Variants in PDE1A observed in about 807,000 individuals in gnomAD.
PDE1A encodes phosphodiesterase 1A.
Under a neutral mutation model 61.7 loss-of-function variants are expected in PDE1A, and 35 were observed. The ratio of observed to expected loss-of-function variants is 0.57; its 90% CI spans 0.43 to 0.75. PDE1A has a LOEUF of 0.75. PDE1A is among the 30% of genes least tolerant of loss of function. PDE1A has a pLI of 0.00. For synonymous variants in PDE1A, 232 were observed against 213.2 expected (o/e 1.09, Z -0.77); for missense variants, 597 against 630.6 (o/e 0.95, Z 0.57).
At chr2:182,220,772 T>C (rs1379863245) in intron 7 of PDE1A, among the ~76,000 whole-genome samples, 2 of 151,984 alleles carry the variant, frequency 1.3e-5, no homozygotes, top group Non-Finnish European at 2.9e-5. Flanking sequence ...AGTTTCCAGA[T>C]TGGAAAAAAC....
At chr2:182,546,450 C>A in the PDE1A span, among the ~76,000 whole-genome samples, 1 of 152,036 alleles carries the variant, frequency 6.6e-6, no homozygotes, top group African/African-American at 2.4e-5. Context: ...AGATGGATAC[C>A]CCCTATCAGA....
chr2:182,620,329 T>C, the PDE1A span, among the ~76,000 whole-genome samples: 1 of 152,242 alleles, frequency 6.6e-6, no homozygotes, highest in Non-Finnish European at 1.5e-5. Context: ...TCTTTGTTTA[T>C]TGCTTTCAGA....
At chr2:182,384,988 C>A (rs1164152006) in intron 1 of PDE1A, among the ~76,000 whole-genome samples, 2 of 152,096 alleles carry the variant, frequency 1.3e-5, no homozygotes, top group South Asian at 2.1e-4. Context: ...TCAACAGGAG[C>A]TTTACAGGCC....
intron 10 of PDE1A, among the ~76,000 whole-genome samples, chr2:182,200,390 A>G (rs73975402): frequency 0.17 from 26,495 of 152,120 alleles, 2,456 homozygotes; most frequent in East Asian, 0.31. Context: ...ACTGAGTTCA[A>G]TCGCATGTCC....
chr2:182,302,584 C>T (rs1695317389), intron 1 of PDE1A, among the ~76,000 whole-genome samples: 1 of 152,168 alleles, frequency 6.6e-6, no homozygotes, highest in African/African-American at 2.4e-5. Flanking sequence ...TGTCTGCTGA[C>T]TAATCAGGGA....
intron 7 of PDE1A, among the ~76,000 whole-genome samples, chr2:182,207,251 G>A (rs1294558358): frequency 1.3e-5 from 2 of 152,186 alleles, no homozygotes; most frequent in Middle Eastern, 3.2e-3. Context: ...ACTAGGTTGA[G>A]GACGTCTTAG....
intron 3 of PDE1A, among the ~76,000 whole-genome samples, chr2:182,238,064 C>T (rs1690177212): frequency 6.6e-6 from 1 of 151,702 alleles, no homozygotes; most frequent in African/African-American, 2.4e-5. Flanking sequence ...GTCAGGAGAT[C>T]AAGACCATTC....
chr2:182,400,145 C>A (rs1039463559), intron 1 of PDE1A, among the ~76,000 whole-genome samples: 18 of 151,918 alleles, frequency 1.2e-4, no homozygotes, highest in African/African-American at 4.4e-4. Flanking sequence ...TGATTTTTTT[C>A]TTCCCTAAAT....
At chr2:182,654,124 T>C in the PDE1A span, among the ~76,000 whole-genome samples, 20,173 of 152,126 alleles carry the variant, frequency 0.13, 1,859 homozygotes, top group African/African-American at 0.26. Context: ...ATTATGAAAC[T>C]CTTGATTGAT....
At chr2:182,344,371 G>A (rs571764625) in intron 1 of PDE1A, among the ~76,000 whole-genome samples, 5 of 152,242 alleles carry the variant, frequency 3.3e-5, no homozygotes, top group African/African-American at 1.2e-4. Context: ...TACATTGTAT[G>A]TTGATTTGCT....
chr2:182,221,187 A>ATGAAT (rs1013262064), intron 7 of PDE1A, among the ~76,000 whole-genome samples: 9 of 151,874 alleles, frequency 5.9e-5, no homozygotes, highest in African/African-American at 2.2e-4. Context: ...CCACTTGCAG[A>ATGAAT]TGAATAGTAA....
intron 2 of PDE1A, among the ~76,000 whole-genome samples, chr2:182,432,303 A>G (rs1703990912): frequency 6.6e-6 from 1 of 152,144 alleles, no homozygotes; most frequent in South Asian, 2.1e-4. Flanking sequence ...CTCCTTAACC[A>G]CAACAAGGTC....
At chr2:182,486,062 T>C (rs1473601438) in intron 2 of PDE1A, among the ~76,000 whole-genome samples, 1 of 151,818 alleles carries the variant, frequency 6.6e-6, no homozygotes. Flanking sequence ...ACCTAAAGAA[T>C]CTATAAAAGG....
At chr2:182,278,448 G>C (rs1269263211) in intron 1 of PDE1A, among the ~76,000 whole-genome samples, 1 of 151,990 alleles carries the variant, frequency 6.6e-6, no homozygotes, top group Admixed American at 6.6e-5. Context: ...CTAAGATATA[G>C]AGAAAGTTTA....
chr2:182,605,038 AT>A, the PDE1A span, among the ~76,000 whole-genome samples: 11,041 of 147,656 alleles, frequency 0.075, 411 homozygotes, highest in Middle Eastern at 0.1. Flanking sequence ...AGGGGAGTGG[AT>A]TTTTTTTTTT....
intron 10 of PDE1A, among the ~76,000 whole-genome samples, chr2:182,194,194 A>G (rs941225390): frequency 2.0e-5 from 3 of 152,116 alleles, no homozygotes; most frequent in African/African-American, 7.2e-5. Context: ...AGCTAGTTGA[A>G]GAAGGGAAAA....
chr2:182,458,976 CT>C (rs1337444422), intron 2 of PDE1A, among the ~76,000 whole-genome samples: 2 of 151,982 alleles, frequency 1.3e-5, no homozygotes, highest in Non-Finnish European at 2.9e-5. Flanking sequence ...TTCTCTTGTT[CT>C]TTTTTATTCT....
At chr2:182,672,495 T>C in the PDE1A span, among the ~76,000 whole-genome samples, 2 of 152,170 alleles carry the variant, frequency 1.3e-5, no homozygotes, top group African/African-American at 4.8e-5. Flanking sequence ...CATTAAACAG[T>C]TGTCAACAAA....
At chr2:182,156,889 A>C (rs1013622304) in intron 13 of PDE1A, among the ~76,000 whole-genome samples, 1 of 152,106 alleles carries the variant, frequency 6.6e-6, no homozygotes, top group Non-Finnish European at 1.5e-5. Context: ...CAGTATAAAT[A>C]TATAACTGAA....
Sources: gnomAD v4.1 joint callset for allele counts (sites outside exome capture counted in the v4.1 genomes callset) on GRCh38, gnomAD v4.1.1 for gene constraint, MANE v1.5 for transcripts, NCBI Gene and HGNC (gene_info 2026-07-23, HGNC 2026-07-21) for gene names.